SGPP2: variants seen among roughly 807,000 people sequenced by gnomAD.
The protein encoded by SGPP2 is sphingosine 1-phosphate phosphohydrolase 2.
Under a neutral mutation model 33.9 loss-of-function variants are expected in SGPP2, and 30 were observed. That is an observed-to-expected ratio of 0.89 (90% confidence interval 0.66 to 1.20). The LOEUF is 1.20. Ranked by LOEUF, SGPP2 falls within the 50% of genes most tolerant of loss-of-function variation. The probability of loss-of-function intolerance (pLI) is 0.00; values close to 1 mark genes in which losing one functional copy is unlikely to be tolerated. For missense variants in SGPP2, 458 were observed against 532.1 expected (o/e 0.86, Z 1.37); for synonymous variants, 233 against 225.0 (o/e 1.04, Z -0.32).
At chr2:222,490,424 A>G (rs1020210394) in intron 2 of SGPP2, among the ~76,000 whole-genome samples, 29 of 152,036 alleles carry the variant, frequency 1.9e-4, no homozygotes, top group African/African-American at 6.8e-4. Flanking sequence ...ATGTACATTT[A>G]TTGTTTTGTT....
At chr2:222,430,321 CAG>C (rs751295787) in intron 1 of SGPP2, among the ~76,000 whole-genome samples, 3 of 152,154 alleles carry the variant, frequency 2.0e-5, no homozygotes, top group Non-Finnish European at 4.4e-5. Context: ...TGGATATCAT[CAG>C]AGTGTCAGCA....
intron 4 of SGPP2, among the ~76,000 whole-genome samples, chr2:222,539,866 T>A (rs1390600233): frequency 6.6e-6 from 1 of 152,166 alleles, no homozygotes; most frequent in Non-Finnish European, 1.5e-5. Flanking sequence ...CGCTTTGGGA[T>A]CCCTTTTTCC....
intron 1 of SGPP2, among the ~76,000 whole-genome samples, chr2:222,471,597 A>G (rs985196730): frequency 2.0e-5 from 3 of 152,172 alleles, no homozygotes; most frequent in Non-Finnish European, 4.4e-5. Flanking sequence ...TTAGCACAGA[A>G]TGGGCATCAT....
intron 1 of SGPP2, among the ~76,000 whole-genome samples, chr2:222,471,281 A>G (rs1305763981): frequency 4.6e-5 from 7 of 152,082 alleles, no homozygotes; most frequent in African/African-American, 7.2e-5. Flanking sequence ...AGGAGTGTCA[A>G]CTTTCCCTCA....
chr2:222,474,180 C>A (rs1016411434), intron 1 of SGPP2, among the ~76,000 whole-genome samples: 5 of 152,102 alleles, frequency 3.3e-5, no homozygotes, highest in African/African-American at 1.2e-4. Context: ...ATATTCAGTT[C>A]TAGGATTTAG....
At chr2:222,509,537 C>T (rs17563513) in intron 2 of SGPP2, among the ~76,000 whole-genome samples, 50,076 of 152,010 alleles carry the variant, frequency 0.33, 9,157 homozygotes, top group Middle Eastern at 0.52. Flanking sequence ...TTCAGCAGCT[C>T]TCTGGTATGT....
intron 1 of SGPP2, among the ~76,000 whole-genome samples, chr2:222,456,740 G>A (rs1377592042): frequency 6.6e-6 from 1 of 152,194 alleles, no homozygotes; most frequent in African/African-American, 2.4e-5. Flanking sequence ...GGTGACATCT[G>A]TATGCTCATG....
chr2:222,539,876 C>G (rs534504754), intron 4 of SGPP2, among the ~76,000 whole-genome samples: 1 of 152,126 alleles, frequency 6.6e-6, no homozygotes, highest in African/African-American at 2.4e-5. Context: ...TCCCTTTTTC[C>G]GGTGTCATCT....
chr2:222,521,822 C>T lies in SGPP2; in HGVS notation c.434C>T (p.Ser145Phe), dbSNP rs1698690133. ...AKDVLKWPRP[S>F]SPPVVKLEKR... Reference sequence around the variant, plus strand: ...GATGTCTTGAAGTGGCCCCGTCCCTCCTCCCCTCCAGTTGTAAAACTGGAA... The same window carrying T: ...GATGTCTTGAAGTGGCCCCGTCCCTTCTCCCCTCCAGTTGTAAAACTGGAA... The change falls in exon 3 of 5, where the codon TCC becomes TTC. Residue 145 changes from serine (S) to phenylalanine (F), a missense_variant. Ser to Phe is a radical substitution (Grantham distance 155, BLOSUM62 -2). Coordinates refer to ENST00000321276, the MANE Select transcript of SGPP2 (RefSeq NM_152386.4). 2.5e-6 allele frequency: 4 copies of T among 1,610,880 alleles called. No individual in the cohort carries two copies. Among genetic ancestry groups the T allele is most frequent in the Non-Finnish European group, 3.4e-6 (4 of 1,179,016 alleles).
chr2:222,493,486 A>G (rs1277095814), intron 2 of SGPP2, among the ~76,000 whole-genome samples: 1 of 152,174 alleles, frequency 6.6e-6, no homozygotes, highest in Non-Finnish European at 1.5e-5. Flanking sequence ...ACCATCCAAG[A>G]TGAGATTTGA....
intron 4 of SGPP2, among the ~76,000 whole-genome samples, chr2:222,526,585 G>A (rs1285324304): frequency 6.6e-6 from 1 of 152,154 alleles, no homozygotes; most frequent in Non-Finnish European, 1.5e-5. Flanking sequence ...TTTATCTGGG[G>A]CTACTGTTTA....
chr2:222,462,851 A>G (rs1358565481), intron 1 of SGPP2, among the ~76,000 whole-genome samples: 1 of 152,116 alleles, frequency 6.6e-6, no homozygotes, highest in Non-Finnish European at 1.5e-5. Context: ...CAAACAAACA[A>G]AAATTCTCAG....
At chr2:222,452,521 G>C (rs1697507580) in intron 1 of SGPP2, 2 of 978,774 alleles carry the variant, frequency 2.0e-6, no homozygotes, top group African/African-American at 3.2e-5. Context: ...AGTTTCCAAG[G>C]CAAACTGGCA....
At chr2:222,548,601 T>C (rs1689241462) in intron 4 of SGPP2, among the ~76,000 whole-genome samples, 1 of 151,978 alleles carries the variant, frequency 6.6e-6, no homozygotes, top group African/African-American at 2.4e-5. Context: ...CAAAGACCCA[T>C]TCGTATCAGG....
chr2:222,537,815 A>G (rs1456316549), intron 4 of SGPP2, among the ~76,000 whole-genome samples: 1 of 152,232 alleles, frequency 6.6e-6, no homozygotes, highest in South Asian at 2.1e-4. Context: ...GATTTATCCA[A>G]TGAAATGAAT....
At chr2:222,461,772 T>C (rs1252839551) in intron 1 of SGPP2, among the ~76,000 whole-genome samples, 3 of 152,108 alleles carry the variant, frequency 2.0e-5, no homozygotes, top group Admixed American at 1.3e-4. Flanking sequence ...AGTGGTAATG[T>C]TCACTCACCC....
At chr2:222,525,100 T>G in intron 4 of SGPP2, 67 bp downstream of exon 4, 1 of 1,070,046 alleles carries the variant, frequency 9.3e-7, no homozygotes, top group Non-Finnish European at 1.4e-6. Flanking sequence ...TGTCAATATG[T>G]TTCTCATACT....
At position 222,499,193 on chromosome 2, in the gene SGPP2, C is replaced by T. The variant is rs545219084; in HGVS notation, c.379-22574C>T. Among the ~76,000 whole-genome samples, 5 of 152,342 alleles carry T rather than the reference C, an allele frequency of 3.3e-5. No homozygotes were observed. The East Asian group carries it at 9.6e-4, about 29-fold the overall frequency. Reference sequence around the variant, plus strand: ...GACATTACACAGAGTAGGGATGTGCCTGTTTGCCCCGAAGGCAGATTCTGA... The same window carrying T: ...GACATTACACAGAGTAGGGATGTGCTTGTTTGCCCCGAAGGCAGATTCTGA... On this transcript the variant is annotated intron_variant, in intron 2 of 4. Transcript: ENST00000321276.
At chr2:222,497,335 C>G (rs972977927) in intron 2 of SGPP2, among the ~76,000 whole-genome samples, 3 of 151,074 alleles carry the variant, frequency 2.0e-5, no homozygotes, top group Non-Finnish European at 2.9e-5. Flanking sequence ...TCACTGCAAC[C>G]TCCGCCTCCC....
Sources: gnomAD v4.1 joint callset for allele counts (sites outside exome capture counted in the v4.1 genomes callset) on GRCh38, gnomAD v4.1.1 for gene constraint, MANE v1.5 for transcripts, NCBI Gene and HGNC (gene_info 2026-07-23, HGNC 2026-07-21) for gene names.